EML6: variants seen among roughly 807,000 people sequenced by gnomAD.
The protein encoded by EML6 is echinoderm microtubule-associated protein-like 6.
Under a neutral mutation model 240.1 loss-of-function variants are expected in EML6, and 154 were observed. The observed-to-expected ratio is 0.64, with a 90% CI of 0.56 to 0.73. EML6 has a LOEUF of 0.73. Ranked by LOEUF, EML6 falls within the 30% of genes least tolerant of loss-of-function variation. EML6 has a pLI of 0.00. For missense variants in EML6, 2,964 were observed against 2,474.6 expected (o/e 1.20, Z -4.20); for synonymous variants, 1,148 against 899.0 (o/e 1.28, Z -4.95).
chr2:54,794,362 T>C lies in EML6; in HGVS notation c.198-18870T>C, dbSNP rs1669637738. The stretch of plus-strand genomic sequence containing the variant: ...TCGCCCTTTTCTCTGTTCTTATTAT[T>C]GATATTATACAAATTTTTCTTAGCA... On this transcript the variant is annotated intron_variant, in intron 2 of 41. Transcript: ENST00000356458. 2.0e-5 allele frequency among the ~76,000 whole-genome samples: 3 copies of C among 152,152 alleles called. No individual in the cohort carries two copies. The South Asian group carries it at 6.2e-4, about 32-fold the overall frequency.
intron 2 of EML6, among the ~76,000 whole-genome samples, chr2:54,785,868 A>C (rs1669060021): frequency 1.3e-5 from 2 of 151,976 alleles, no homozygotes; most frequent in South Asian, 2.1e-4. Flanking sequence ...TTTACTGGGA[A>C]AATTTGAGTA....
chr2:54,751,826 T>C (rs150638436), intron 2 of EML6, among the ~76,000 whole-genome samples: 238 of 152,364 alleles, frequency 1.6e-3, no homozygotes, highest in African/African-American at 5.4e-3. Context: ...ATTTGCTTTC[T>C]GAAAACTGAG....
chr2:54,829,255 C>A (rs776921797), intron 6 of EML6, 87 bp from the exon 7 acceptor site: 18 of 1,309,590 alleles, frequency 1.4e-5, no homozygotes, highest in Admixed American at 2.6e-5. Context: ...TTTTGACTTG[C>A]TATGTTTTTA....
chr2:54,829,645 C>T (rs1030941952), intron 7 of EML6, among the ~76,000 whole-genome samples, 168 bp downstream of exon 7: 11 of 152,106 alleles, frequency 7.2e-5, no homozygotes, highest in Admixed American at 1.3e-4. Flanking sequence ...TTTCCTAATT[C>T]GCACAAATGC....
chr2:54,833,919 T>C (rs1424543852), intron 7 of EML6, among the ~76,000 whole-genome samples: 1 of 152,226 alleles, frequency 6.6e-6, no homozygotes, highest in African/African-American at 2.4e-5. Context: ...GATATGAGGC[T>C]ACTGGGTGTC....
At chr2:54,809,335 C>CT (rs1352426837) in intron 2 of EML6, among the ~76,000 whole-genome samples, 7 of 152,260 alleles carry the variant, frequency 4.6e-5, no homozygotes, top group Non-Finnish European at 8.8e-5. Context: ...GTAGAATAAG[C>CT]ATTTTGTGTG....
intron 19 of EML6, among the ~76,000 whole-genome samples, chr2:54,893,988 G>T (rs1400051070): frequency 2.0e-5 from 3 of 152,090 alleles, no homozygotes; most frequent in African/African-American, 7.2e-5. Flanking sequence ...GGTAAATTAA[G>T]CTGCAAAATC....
chr2:54,806,423 G>A (rs1354713730), intron 2 of EML6, among the ~76,000 whole-genome samples: 1 of 151,816 alleles, frequency 6.6e-6, no homozygotes, highest in Admixed American at 6.6e-5. Context: ...GACCAGCCTG[G>A]CCAACAGGGC....
intron 2 of EML6, among the ~76,000 whole-genome samples, chr2:54,729,170 A>T (rs1683044435): frequency 6.6e-6 from 1 of 152,212 alleles, no homozygotes; most frequent in East Asian, 1.9e-4. Flanking sequence ...TACATACAAA[A>T]ATGTTTGGCC....
intron 11 of EML6, among the ~76,000 whole-genome samples, chr2:54,855,575 C>T (rs1261241269): frequency 6.7e-6 from 1 of 150,160 alleles, no homozygotes; most frequent in South Asian, 2.2e-4. Flanking sequence ...GTCACCGTTA[C>T]ATAAAAAACA....
At chr2:54,927,501 A>T (rs1010185339) in intron 26 of EML6, among the ~76,000 whole-genome samples, 1 of 151,690 alleles carries the variant, frequency 6.6e-6, no homozygotes, top group South Asian at 2.1e-4. Context: ...GGATGGAAAA[A>T]CTCCATGTCT....
At chr2:54,819,034 C>A (rs1442079451) in intron 4 of EML6, among the ~76,000 whole-genome samples, 1 of 152,136 alleles carries the variant, frequency 6.6e-6, no homozygotes, top group African/African-American at 2.4e-5. Context: ...GTGGTATTAT[C>A]CACGTAGAGA....
chr2:54,815,851 C>T lies in EML6; in HGVS notation c.358-936C>T, dbSNP rs114181863. ...GTGTGCATATACACAGACACACTCT[C>T]GAATGTACTCAGTACTCACACACTC... On this transcript the variant is annotated intron_variant, in intron 3 of 41. Coordinates refer to ENST00000356458, the MANE Select transcript of EML6 (RefSeq NM_001039753.4). 7.6e-3 allele frequency among the ~76,000 whole-genome samples: 1,157 copies of T among 152,286 alleles called. 10 individuals carry two copies. Among genetic ancestry groups the T allele is most frequent in the African/African-American group, 0.027 (1,105 of 41,556 alleles).
rs938620019 is a variant in EML6 at position 54,725,980 on chromosome 2, C to T, written c.197+722C>T. Among the ~76,000 whole-genome samples, 1 of 152,172 alleles carries T rather than the reference C, an allele frequency of 6.6e-6. No individual in the cohort carries two copies. Among genetic ancestry groups the T allele is most frequent in the African/African-American group, 2.4e-5 (1 of 41,420 alleles). ...AGGAGAGCTCATTTGGATGAATGGC[C>T]GTTTTAGGGGCCCTCCCGATTAAAT... On this transcript the variant is annotated intron_variant, in intron 2 of 41. Transcript: ENST00000356458. The surrounding 1 kb of genome is among the most constrained non-coding windows in gnomAD (Gnocchi z 4.3).
At chr2:54,822,255 A>C (rs1308188339) in intron 5 of EML6, among the ~76,000 whole-genome samples, 2 of 152,224 alleles carry the variant, frequency 1.3e-5, no homozygotes, top group Non-Finnish European at 2.9e-5. Flanking sequence ...GCAAGGATTC[A>C]GTGAATGACC....
chr2:54,859,243 C>G (rs1670548283), intron 11 of EML6, among the ~76,000 whole-genome samples: 1 of 152,162 alleles, frequency 6.6e-6, no homozygotes, highest in South Asian at 2.1e-4. Context: ...TGTTCATTCT[C>G]TGTCATTTAT....
chr2:54,962,020 C>G (rs1676541748), intron 35 of EML6, among the ~76,000 whole-genome samples: 1 of 150,062 alleles, frequency 6.7e-6, no homozygotes, highest in Non-Finnish European at 1.5e-5. Flanking sequence ...CAAACAAAAA[C>G]AACACTTCTC....
intron 2 of EML6, among the ~76,000 whole-genome samples, chr2:54,726,803 C>G (rs1485629377): frequency 6.6e-6 from 1 of 152,174 alleles, no homozygotes; most frequent in East Asian, 1.9e-4. Context: ...TGTTTTTGCT[C>G]TCTCTGTCTT....
At chr2:54,812,322 GAAA>G (rs11362235) in intron 2 of EML6, among the ~76,000 whole-genome samples, 1 of 145,140 alleles carries the variant, frequency 6.9e-6, no homozygotes. Context: ...GCCAAACACT[GAAA>G]AAAAAAAAAA....
Sources: gnomAD v4.1 joint callset for allele counts (sites outside exome capture counted in the v4.1 genomes callset) on GRCh38, gnomAD v4.1.1 for gene constraint, Gnocchi (gnomAD v3.1) non-coding constraint, MANE v1.5 for transcripts, NCBI Gene and HGNC (gene_info 2026-07-23, HGNC 2026-07-21) for gene names.